Variants in RAP1GAP observed in about 807,000 individuals in gnomAD.
The protein encoded by RAP1GAP is rap1 GTPase-activating protein 1.
A neutral mutation model predicts 87.2 loss-of-function variants in RAP1GAP; 35 were observed. The observed-to-expected ratio is 0.40, with a 90% CI of 0.31 to 0.53. The LOEUF (loss-of-function observed/expected upper bound fraction) is 0.53. Among genes scored for constraint, RAP1GAP ranks in the 20% least tolerant of loss-of-function variants. The pLI, the probability that RAP1GAP is intolerant of heterozygous loss-of-function variation, is 0.48. For missense variants in RAP1GAP, 734 were observed against 898.9 expected, an observed-to-expected ratio of 0.82 and a Z score of 2.35; for synonymous variants, 375 against 363.9, an observed-to-expected ratio of 1.03 and a Z score of -0.35.
chr1:21,648,396 G>C (rs915472467), intron 2 of RAP1GAP, among the ~76,000 whole-genome samples: 1 of 152,216 alleles, frequency 6.6e-6, no homozygotes, highest in African/African-American at 2.4e-5. Context: ...CAGAGTAGGC[G>C]AGGTTTTGGG....
At chr1:21,611,030 C>A (rs1164590728) in intron 13 of RAP1GAP, among the ~76,000 whole-genome samples, 1 of 152,182 alleles carries the variant, frequency 6.6e-6, no homozygotes, top group Non-Finnish European at 1.5e-5. Flanking sequence ...TTCTCGCCAC[C>A]TGGAACATTT....
rs193069586 is a variant in RAP1GAP, at chr1:21,624,809, G to C, written c.-19+1495C>G. 6.6e-5 allele frequency among the ~76,000 whole-genome samples: 10 copies of C among 151,242 alleles called. No individual in the cohort carries two copies. In the East Asian group the frequency reaches 2.0e-3, roughly 30 times the overall value. On this transcript the variant is annotated intron_variant, in intron 3 of 24. Coordinates refer to ENST00000374765, the MANE Select transcript of RAP1GAP (RefSeq NM_002885.4). ...AATAATCCGAGAAGGCCAACCCCAG[G>C]CTGTCTAGCACGCAGGGCCCAGGGC... is the stretch of plus-strand genomic sequence containing the variant.
At chr1:21,601,072 G>C (rs1339177349) in intron 20 of RAP1GAP, among the ~76,000 whole-genome samples, 1 of 148,552 alleles carries the variant, frequency 6.7e-6, no homozygotes, top group Admixed American at 6.7e-5. Context: ...CCAGGCTAGA[G>C]TGCAGTGGCT....
At chr1:21,605,076 G>A (rs1219130566) in intron 18 of RAP1GAP, among the ~76,000 whole-genome samples, 1 of 152,152 alleles carries the variant, frequency 6.6e-6, no homozygotes, top group Middle Eastern at 3.4e-3. Flanking sequence ...TGGGTGGCTG[G>A]ATGGATGGGT....
At chr1:21,626,647 GC>G (rs1273388377) in intron 2 of RAP1GAP, among the ~76,000 whole-genome samples, 1 of 152,170 alleles carries the variant, frequency 6.6e-6, no homozygotes, top group African/African-American at 2.4e-5. Flanking sequence ...CTCCAGCCAA[GC>G]AGTGACCTAC....
chr1:21,625,659 T>A lies in RAP1GAP; in HGVS notation c.-19+645A>T, dbSNP rs981737071. ...AATAAAGCATTAAGTACTCTCTTAG[T>A]ACACAGTAAGTCTCAATAAATATTA... On this transcript the variant is annotated intron_variant, in intron 3 of 24. Transcript: ENST00000374765. Among the ~76,000 whole-genome samples the A allele has an allele frequency of 2.6e-5, 4 of 152,354 alleles. No individual in the cohort carries two copies. The South Asian group carries it at 8.3e-4, about 32-fold the overall frequency.
intron 2 of RAP1GAP, among the ~76,000 whole-genome samples, chr1:21,645,404 C>T (rs1386104156): frequency 6.6e-6 from 1 of 151,932 alleles, no homozygotes; most frequent in Non-Finnish European, 1.5e-5. Flanking sequence ...CGCTTGAGCC[C>T]AGGAGGTCGA....
intron 19 of RAP1GAP, among the ~76,000 whole-genome samples, 188 bp downstream of exon 19, chr1:21,602,616 G>A (rs567888088): frequency 6.6e-6 from 1 of 152,336 alleles, no homozygotes; most frequent in Non-Finnish European, 1.5e-5. Context: ...TGATCTGCAT[G>A]TGGCACGTTA....
At chr1:21,653,995 G>A (rs2152116726) in intron 1 of RAP1GAP, among the ~76,000 whole-genome samples, 1 of 151,962 alleles carries the variant, frequency 6.6e-6, no homozygotes, top group African/African-American at 2.4e-5. Context: ...AGGGGCCATG[G>A]GGGCTGAAGG....
intron 7 of RAP1GAP, among the ~76,000 whole-genome samples, chr1:21,616,190 C>CACACACATAT (rs758719299): frequency 7.3e-6 from 1 of 136,470 alleles, no homozygotes; most frequent in Non-Finnish European, 1.6e-5. Context: ...CACACACACA[C>CACACACATAT]ATACAATGAC....
rs1279644884 is a variant in RAP1GAP, at chr1:21,622,046, C to CGGGGCA, written c.-18-2002_-18-1997dup. ...CCTGGAGCATTCAGAGCCCCCCAAA[C>CGGGGCA]GGGGCAGGGGCAGGGTAAAGTGGTC... On this transcript the variant is annotated intron_variant, in intron 3 of 24. Transcript: ENST00000374765. This position sits in a 1 kb window ranked among gnomAD's most constrained non-coding sequence, Gnocchi z 5.7. Among the ~76,000 whole-genome samples, 1 of 152,162 alleles carries CGGGGCA rather than the reference C, an allele frequency of 6.6e-6. No individual in the cohort carries two copies. The highest frequency in any genetic ancestry group is 1.5e-5 in the Non-Finnish European group (1 of 68,020).
chr1:21,659,840 T>C (rs2097046748), intron 1 of RAP1GAP, among the ~76,000 whole-genome samples: 1 of 152,138 alleles, frequency 6.6e-6, no homozygotes, highest in African/African-American at 2.4e-5. Flanking sequence ...ACCCACCCTG[T>C]AAATTAGGTA....
At chr1:21,648,166 G>T (rs2096249804) in intron 2 of RAP1GAP, among the ~76,000 whole-genome samples, 1 of 152,188 alleles carries the variant, frequency 6.6e-6, no homozygotes, top group Non-Finnish European at 1.5e-5. Flanking sequence ...CTGGGGAATG[G>T]CCGATCTTTA....
Position 21,609,557 on chromosome 1 carries a change from T to C in RAP1GAP, c.1071+18A>G. 6.8e-7 allele frequency: 1 copy of C among 1,460,516 alleles called. No individual in the cohort carries two copies. The highest frequency in any genetic ancestry group is 9.3e-7 in the Non-Finnish European group (1 of 1,077,152). The allele number at this position is 1,460,516 out of a possible 1,614,324, so 90.5% of individuals were successfully genotyped here. A position where few individuals can be genotyped will look rare whatever the true frequency, so the allele number is the denominator to read the frequency against. On this transcript the variant is annotated intron_variant, in intron 15 of 24. Coordinates refer to ENST00000374765, the MANE Select transcript of RAP1GAP (RefSeq NM_002885.4). This position sits in a 1 kb window ranked among gnomAD's most constrained non-coding sequence, Gnocchi z 4.4. ...CCATTTGTCCTGCTCTGCCCATGAC[T>C]GGGGGGGTGCCCCTCACCTTCCTGA... is the stretch of plus-strand genomic sequence containing the variant.
Position 21,606,208 on chromosome 1 carries a change from G to T in RAP1GAP, c.1297-11C>A, listed in dbSNP as rs760666039. 2.5e-6 allele frequency: 4 copies of T among 1,573,208 alleles called. No individual in the cohort carries two copies. The highest frequency in any genetic ancestry group is 1.3e-5 in the African/African-American group (1 of 74,556). On this transcript the variant is annotated splice_polypyrimidine_tract_variant and intron_variant, in intron 17 of 24. Transcript: ENST00000374765. ...GCTCCGGATGACCCGCTGTGAAGGG[G>T]GTGGCAGTGGAGGAGGCACAGGATT...
chr1:21,604,770 A>G (rs935480587), intron 18 of RAP1GAP, among the ~76,000 whole-genome samples: 1 of 69,732 alleles, frequency 1.4e-5, no homozygotes, highest in African/African-American at 5.4e-5. Context: ...TAGACAGTCA[A>G]TAAAGGATGG....
At chr1:21,665,971 G>A (rs914193768) in intron 1 of RAP1GAP, among the ~76,000 whole-genome samples, 1 of 152,264 alleles carries the variant, frequency 6.6e-6, no homozygotes, top group Admixed American at 6.5e-5. Context: ...CAGCCAGGCT[G>A]AGCTGCCTCC....
In RAP1GAP at chr1:21,626,380, T is replaced by C. The variant is rs773159892; in HGVS notation, c.-95A>G. On this transcript the variant is annotated 5_prime_UTR_variant, in exon 3 of 25. Coordinates refer to ENST00000374765, the MANE Select transcript of RAP1GAP (RefSeq NM_002885.4). Reference sequence around the variant, plus strand: ...GTCTAGTGCCTGAGGGAAGTGCTGGTTCTGCCCATCGCTCCTCCTGGAAGA... The same window carrying C: ...GTCTAGTGCCTGAGGGAAGTGCTGGCTCTGCCCATCGCTCCTCCTGGAAGA... 1.2e-6 allele frequency: 2 copies of C among 1,613,064 alleles called. No individual in the cohort carries two copies. Among genetic ancestry groups the C allele is most frequent in the Admixed American group, 3.3e-5 (2 of 60,012 alleles).
chr1:21,600,910 T>C (rs2067816547), intron 20 of RAP1GAP, among the ~76,000 whole-genome samples: 1 of 99,114 alleles, frequency 1.0e-5, no homozygotes, highest in Non-Finnish European at 2.2e-5. Flanking sequence ...GTCAAAGCTC[T>C]TGTACAGCCT....
Sources: gnomAD v4.1 joint callset for allele counts (sites outside exome capture counted in the v4.1 genomes callset) on GRCh38, gnomAD v4.1.1 for gene constraint, Gnocchi (gnomAD v3.1) non-coding constraint, MANE v1.5 for transcripts, NCBI Gene and HGNC (gene_info 2026-07-23, HGNC 2026-07-21) for gene names.